The following DENND4B variants were observed in gnomAD, a reference collection of about 807,000 sequenced individuals.
DENND4B encodes the protein DENN domain-containing protein 4B.
In DENND4B, 67 loss-of-function variants were observed where a neutral mutation model predicts 161.0. The observed-to-expected ratio is 0.42, with a 90% confidence interval of 0.34 to 0.51. DENND4B has a LOEUF of 0.51. DENND4B is among the 20% of genes least tolerant of loss of function. The pLI is 0.08. For missense variants in DENND4B, 1,481 were observed against 1,968.0 expected, an observed-to-expected ratio of 0.75 and a Z score of 4.68; for synonymous variants, 753 against 813.8, an observed-to-expected ratio of 0.93 and a Z score of 1.27.
At position 153,936,791 on chromosome 1, in the gene DENND4B, G is replaced by A. The variant is rs959637367; in HGVS notation, c.2233-43C>T. Reference sequence around the variant, plus strand: ...CACATCAGGGTGAGTACAATGCCAGGTCTTTCTTACTTATCTATTTATTTA... The same window carrying A: ...CACATCAGGGTGAGTACAATGCCAGATCTTTCTTACTTATCTATTTATTTA... On this transcript the variant is annotated intron_variant, in intron 15 of 27. Transcript: ENST00000361217. The surrounding 1 kb of genome is among the most constrained non-coding windows in gnomAD (Gnocchi z 4.1). 8.3e-6 allele frequency: 12 copies of A among 1,447,888 alleles called. No individual in the cohort carries two copies. The African/African-American group carries it at 1.6e-4, about 19-fold the overall frequency. 89.7% of individuals were successfully genotyped at this position (1,447,888 alleles called of 1,614,324 possible).
intron 24 of DENND4B, among the ~76,000 whole-genome samples, chr1:153,931,748 G>A (rs980692208): frequency 8.6e-5 from 13 of 151,608 alleles, no homozygotes; most frequent in Non-Finnish European, 1.5e-4. Context: ...TGCCCACCTT[G>A]GCCTCCCAAA....
rs1678808343 is a variant in DENND4B at position 153,929,955 on chromosome 1, T to G, written c.*342A>C. 4.4e-6 allele frequency: 1 copy of G among 229,854 alleles called. No homozygotes were observed. Among genetic ancestry groups the G allele is most frequent in the African/African-American group, 2.3e-5 (1 of 43,846 alleles). The allele number at this position is 229,854 out of a possible 1,614,324, so 14.2% of individuals were successfully genotyped here. On this transcript the variant is annotated 3_prime_UTR_variant, in exon 28 of 28. Coordinates refer to ENST00000361217, the MANE Select transcript of DENND4B (RefSeq NM_014856.3). ...CAGTAGCTCTGCATCTTTCCAGTTG[T>G]TTTTTAAAACAAAAACTTCTAAAAT...
At chr1:153,939,884 A>T in intron 11 of DENND4B, 80 bp from the exon 12 acceptor site, 1 of 1,397,324 alleles carries the variant, frequency 7.2e-7, no homozygotes, top group Non-Finnish European at 9.9e-7. Flanking sequence ...CTCCATCTCC[A>T]CCTCCAGCCT....
chr1:153,937,954 C>T lies in DENND4B; in HGVS notation c.1966-91G>A. 4 of 1,565,620 alleles carry T rather than the reference C, an allele frequency of 2.6e-6. No individual in the cohort carries two copies. The highest frequency in any genetic ancestry group is 3.5e-6 in the Non-Finnish European group (4 of 1,147,332). On this transcript the variant is annotated intron_variant, in intron 13 of 27. Coordinates refer to ENST00000361217, the MANE Select transcript of DENND4B (RefSeq NM_014856.3). The surrounding 1 kb of genome is among the most constrained non-coding windows in gnomAD (Gnocchi z 4.7). The stretch of plus-strand genomic sequence containing the variant: ...GACGATGGCATCTCCCAGGAAAGCT[C>T]ATCCACAAGGAAAGAGACACAGCCT...
In DENND4B at chr1:153,937,525, C is replaced by A. The variant is rs1443472475; in HGVS notation, c.2195G>T (p.Ser732Ile). 12 of 1,597,856 alleles carry A rather than the reference C, an allele frequency of 7.5e-6. No homozygotes were observed. Among genetic ancestry groups the A allele is most frequent in the Non-Finnish European group, 1.0e-5 (12 of 1,171,994 alleles). ...GCGAGGAGCAGGACTGCTGGGGGCGCTACGGGAAGGGCCTGGCACAGGCAG... is the reference window on the plus strand; with the variant it reads ...GCGAGGAGCAGGACTGCTGGGGGCGATACGGGAAGGGCCTGGCACAGGCAG... ...GALPVPGPSRSAPSSPAPRRT... is the reference protein window; with the variant it reads ...GALPVPGPSRIAPSSPAPRRT... Residue 732 changes from serine to isoleucine, a missense_variant, in exon 15 of 28, where the codon AGC (serine) becomes ATC (isoleucine). Physicochemically the swap from Ser to Ile is moderately radical, Grantham distance 142 (BLOSUM62 -2). This residue lies in a region of DENND4B where 806 missense variants were observed against 1,134.4 expected (regional missense o/e 0.71). Coordinates refer to ENST00000361217, the MANE Select transcript of DENND4B (RefSeq NM_014856.3). This position sits in a 1 kb window ranked among gnomAD's most constrained non-coding sequence, Gnocchi z 4.7.
chr1:153,933,480 T>C lies in DENND4B; in HGVS notation c.3330+3A>G. ...GGCATCTGGACCCTCCTTCACTGGCTACCTCGGAGGCAGTGGATCCAGGGC... is the reference window on the plus strand; with the variant it reads ...GGCATCTGGACCCTCCTTCACTGGCCACCTCGGAGGCAGTGGATCCAGGGC... On this transcript the variant is annotated splice_donor_region_variant and intron_variant, in intron 20 of 27. Coordinates refer to ENST00000361217, the MANE Select transcript of DENND4B (RefSeq NM_014856.3). The surrounding 1 kb of genome is among the most constrained non-coding windows in gnomAD (Gnocchi z 5.7). 1 of 1,564,282 alleles carries C rather than the reference T, an allele frequency of 6.4e-7. No homozygotes were observed. The highest frequency in any genetic ancestry group is 8.7e-7 in the Non-Finnish European group (1 of 1,154,750).
intron 17 of DENND4B, chr1:153,935,233 A>G: frequency 2.0e-6 from 1 of 510,090 alleles, no homozygotes; most frequent in South Asian, 3.3e-5. Context: ...ATGGCTCTGA[A>G]GAAATCATTT....
At position 153,933,488 on chromosome 1, in the gene DENND4B, A is replaced by G. The variant is rs1010319871; in HGVS notation, c.3325T>C (p.Ser1109Pro). 3 of 1,560,922 alleles carry G rather than the reference A, an allele frequency of 1.9e-6. No homozygotes were observed. The African/African-American group carries it at 4.1e-5, about 21-fold the overall frequency. The change falls in exon 20 of 28, where the codon TCC becomes CCC. Residue 1109 changes from serine to proline, a missense_variant. Physicochemically the swap from Ser to Pro is moderately conservative, Grantham distance 74. This residue lies in a region of DENND4B where 336 missense variants were observed against 503.3 expected (regional missense o/e 0.67). Transcript: ENST00000361217. This position sits in a 1 kb window ranked among gnomAD's most constrained non-coding sequence, Gnocchi z 5.7. ...GACCCTCCTTCACTGGCTACCTCGG[A>G]GGCAGTGGATCCAGGGCGCTCCCGG... ...HPRERPGSTASESSASLGSEW... is the reference protein window; with the variant it reads ...HPRERPGSTAPESSASLGSEW...
At position 153,946,404 on chromosome 1, in the gene DENND4B, C is replaced by G; in HGVS notation, c.-127G>C. The G allele has an allele frequency of 2.6e-6, 1 of 384,870 alleles. No individual in the cohort carries two copies. Among genetic ancestry groups the G allele is most frequent in the Non-Finnish European group, 4.6e-6 (1 of 217,078 alleles). The allele number at this position is 384,870 out of a possible 1,614,324, so 23.8% of individuals were successfully genotyped here. A position where few individuals can be genotyped will look rare whatever the true frequency, so the allele number is the denominator to read the frequency against. ...CTACCCGGCCCCAGACATGGCGCAC[C>G]CGACTTGGGCGCCGCTCCCGCCCGG... is the stretch of plus-strand genomic sequence containing the variant. On this transcript the variant is annotated 5_prime_UTR_variant, in exon 1 of 28. Coordinates refer to ENST00000361217, the MANE Select transcript of DENND4B (RefSeq NM_014856.3). The surrounding 1 kb of genome is among the most constrained non-coding windows in gnomAD (Gnocchi z 6.3).
rs746017232 is a variant in DENND4B, at chr1:153,931,082, G to A, written c.3997-18C>T. 5 of 1,590,332 alleles carry A rather than the reference G, an allele frequency of 3.1e-6. No homozygotes were observed. In the Admixed American group the frequency reaches 7.1e-5, roughly 22 times the overall value. ...GATGGGGCCTGGGGGAGCCAAGATAGTGGAGACAGTTAGGCTCAACGAATG... is the reference window on the plus strand; with the variant it reads ...GATGGGGCCTGGGGGAGCCAAGATAATGGAGACAGTTAGGCTCAACGAATG... On this transcript the variant is annotated intron_variant, in intron 24 of 27. Transcript: ENST00000361217.
Position 153,934,128 on chromosome 1 carries a change from C to A in DENND4B, c.2941+7G>T. The A allele has an allele frequency of 6.4e-7, 1 of 1,552,000 alleles. No individual in the cohort carries two copies. The highest frequency in any genetic ancestry group is 8.6e-7 in the Non-Finnish European group (1 of 1,157,326). Reference sequence around the variant, plus strand: ...GGGGAGTGAGGGAGCCAGACAAGGGCACTCACTGTGGGCCACACCGGCCTC... The same window carrying A: ...GGGGAGTGAGGGAGCCAGACAAGGGAACTCACTGTGGGCCACACCGGCCTC... On this transcript the variant is annotated splice_region_variant and intron_variant, in intron 19 of 27. Coordinates refer to ENST00000361217, the MANE Select transcript of DENND4B (RefSeq NM_014856.3). This position sits in a 1 kb window ranked among gnomAD's most constrained non-coding sequence, Gnocchi z 5.3.
chr1:153,935,243 T>G, intron 17 of DENND4B: 1 of 478,136 alleles, frequency 2.1e-6, no homozygotes. Context: ...AGAAATCATT[T>G]CATTTATTTG....
In DENND4B at chr1:153,933,930, TTC is replaced by T; in HGVS notation, c.2942-61_2942-60del. 6.3e-7 allele frequency: 1 copy of T among 1,577,706 alleles called. No homozygotes were observed. The highest frequency in any genetic ancestry group is 1.2e-5 in the South Asian group (1 of 84,990). ...CCCAGCCTCTGCACCAACTTCCCCT[TTC>T]CTGAATAAACACAATTCCTGGCTGC... On this transcript the variant is annotated intron_variant, in intron 19 of 27. Coordinates refer to ENST00000361217, the MANE Select transcript of DENND4B (RefSeq NM_014856.3). This position sits in a 1 kb window ranked among gnomAD's most constrained non-coding sequence, Gnocchi z 5.7.
chr1:153,945,075 C>T, intron 1 of DENND4B: 1 of 1,285,404 alleles, frequency 7.8e-7, no homozygotes. Flanking sequence ...CCCGGCCATC[C>T]CACACCCTCC....
Position 153,943,005 on chromosome 1 carries a change from C to T in DENND4B, c.443G>A (p.Arg148Gln), listed in dbSNP as rs1679762842. 1.2e-6 allele frequency: 2 copies of T among 1,613,856 alleles called. No homozygotes were observed. Among genetic ancestry groups the T allele is most frequent in the African/African-American group, 1.3e-5 (1 of 74,934 alleles). The change falls in exon 3 of 28, where the codon CGG (arginine) becomes CAG (glutamine). Residue 148 changes from arginine (R) to glutamine (Q), a missense_variant. Arg to Gln is a conservative substitution (Grantham distance 43, BLOSUM62 1). This residue lies in a region of DENND4B where 806 missense variants were observed against 1,134.4 expected (regional missense o/e 0.71). Transcript: ENST00000361217. Reference protein sequence around the residue: ...PGHPRTYLTYRRAAEGAGLHA... With the variant: ...PGHPRTYLTYQRAAEGAGLHA... Reference sequence around the variant, plus strand: ...CAGCCCTGCCCCCTCTGCTGCCCGCCGGTAAGTGAGGTAGGTGCGGGGGTG... The same window carrying T: ...CAGCCCTGCCCCCTCTGCTGCCCGCTGGTAAGTGAGGTAGGTGCGGGGGTG...
At position 153,936,561 on chromosome 1, in the gene DENND4B, T is replaced by C; in HGVS notation, c.2420A>G (p.Lys807Arg). The change falls in exon 16 of 28, where the codon AAG (lysine) becomes AGG (arginine). Residue 807 changes from lysine to arginine, a missense_variant. Physicochemically the swap from Lys to Arg is conservative, Grantham distance 26. This residue lies in a region of DENND4B where 806 missense variants were observed against 1,134.4 expected (regional missense o/e 0.71). Transcript: ENST00000361217. This position sits in a 1 kb window ranked among gnomAD's most constrained non-coding sequence, Gnocchi z 4.1. ...YHVLRQMESGKVVLPDEVCYR... is the reference protein window; with the variant it reads ...YHVLRQMESGRVVLPDEVCYR... The stretch of plus-strand genomic sequence containing the variant: ...GCCTACCTCATCAGGGAGCACCACC[T>C]TGCCGCTCTCCATCTGGCGCAGCAC... 4.4e-6 allele frequency: 7 copies of C among 1,602,918 alleles called. No individual in the cohort carries two copies. The highest frequency in any genetic ancestry group is 6.0e-6 in the Non-Finnish European group (7 of 1,172,878).
At chr1:153,939,559 C>T in intron 12 of DENND4B, 30 bp downstream of exon 12, 1 of 1,572,524 alleles carries the variant, frequency 6.4e-7, no homozygotes, top group Non-Finnish European at 8.7e-7. Flanking sequence ...TCCCATGATA[C>T]ATCTCCAAGC....
chr1:153,936,775 G>T lies in DENND4B; in HGVS notation c.2233-27C>A. On this transcript the variant is annotated intron_variant, in intron 15 of 27. Coordinates refer to ENST00000361217, the MANE Select transcript of DENND4B (RefSeq NM_014856.3). This position sits in a 1 kb window ranked among gnomAD's most constrained non-coding sequence, Gnocchi z 4.1. ...TAGGTAGGACAGGGGACACATCAGGGTGAGTACAATGCCAGGTCTTTCTTA... is the reference window on the plus strand; with the variant it reads ...TAGGTAGGACAGGGGACACATCAGGTTGAGTACAATGCCAGGTCTTTCTTA... 2 of 1,518,784 alleles carry T rather than the reference G, an allele frequency of 1.3e-6. No homozygotes were observed. The highest frequency in any genetic ancestry group is 1.8e-6 in the Non-Finnish European group (2 of 1,130,318). 94.1% of individuals were successfully genotyped at this position (1,518,784 alleles called of 1,614,324 possible).
rs1282634281 is a variant in DENND4B at position 153,936,056 on chromosome 1, G to A, written c.2568+4C>T. On this transcript the variant is annotated splice_donor_region_variant and intron_variant, in intron 17 of 27. Transcript: ENST00000361217. The surrounding 1 kb of genome is among the most constrained non-coding windows in gnomAD (Gnocchi z 4.1). Reference sequence around the variant, plus strand: ...CATCCCACCCCTCACCCCAAAGTAGGTACCTTATTGTAGTAGCCATAGGTG... The same window carrying A: ...CATCCCACCCCTCACCCCAAAGTAGATACCTTATTGTAGTAGCCATAGGTG... 5.6e-6 allele frequency: 9 copies of A among 1,612,792 alleles called. No individual in the cohort carries two copies. In the South Asian group the frequency reaches 8.8e-5, roughly 16 times the overall value.
Sources: gnomAD v4.1 joint callset for allele counts (sites outside exome capture counted in the v4.1 genomes callset) on GRCh38, gnomAD v4.1.1 for gene constraint, gnomAD v4.1.1 regional missense constraint, Gnocchi (gnomAD v3.1) non-coding constraint, MANE v1.5 for transcripts, NCBI Gene and HGNC (gene_info 2026-07-23, HGNC 2026-07-21) for gene names.